SLC5A9: variants seen among roughly 807,000 people sequenced by gnomAD.
SLC5A9 encodes the protein sodium/glucose cotransporter 4.
Under a neutral mutation model 70.9 loss-of-function variants are expected in SLC5A9, and 59 were observed. The ratio of observed to expected loss-of-function variants is 0.83; its 90% CI spans 0.68 to 1.03. The LOEUF is 1.03. Among genes scored for constraint, SLC5A9 ranks in the 50% least tolerant of loss-of-function variants. The pLI is 0.00. For missense variants in SLC5A9, 832 were observed against 881.1 expected (o/e 0.94, Z 0.71); for synonymous variants, 340 against 346.5 (o/e 0.98, Z 0.21).
rs1376549256 is a variant in SLC5A9, at chr1:48,231,639, C to T, written c.691+14C>T. ...TCATGTTTCTGGGTAAGGAAGAGAC[C>T]TAAATATACCCCACTGTCATTCTTA... On this transcript the variant is annotated intron_variant, in intron 6 of 13. Transcript: ENST00000438567. The T allele has an allele frequency of 1.2e-6, 2 of 1,613,702 alleles. No homozygotes were observed. Among genetic ancestry groups the T allele is most frequent in the African/African-American group, 1.3e-5 (1 of 74,890 alleles).
At chr1:48,223,708 C>A (rs569014316) in intron 1 of SLC5A9, among the ~76,000 whole-genome samples, 2 of 152,246 alleles carry the variant, frequency 1.3e-5, no homozygotes, top group Admixed American at 1.3e-4. Context: ...AGGTCAGAGA[C>A]CCTCTCTGAG....
At chr1:48,241,066 C>A (rs879912753) in intron 12 of SLC5A9, 5 of 152,120 alleles carry the variant, frequency 3.3e-5, no homozygotes, top group African/African-American at 9.7e-5. Context: ...TTTTGCCTAC[C>A]CTTCCAATCA....
At chr1:48,247,241 TCTCC>T in intron 13 of SLC5A9, 90 bp from the exon 14 acceptor site, 2 of 1,165,656 alleles carry the variant, frequency 1.7e-6, no homozygotes, top group Non-Finnish European at 2.5e-6. Context: ...TCACCATCTC[TCTCC>T]CTCCCCTACT....
Position 48,232,478 on chromosome 1 carries a change from A to G in SLC5A9, c.1009A>G (p.Met337Val), listed in dbSNP as rs144494090. The change falls in exon 8 of 14, where the codon ATG (methionine) becomes GTG (valine). Residue 337 changes from methionine (M) to valine (V), a missense_variant. Coordinates refer to ENST00000438567, the MANE Select transcript of SLC5A9 (RefSeq NM_001011547.3). Reference sequence around the variant, plus strand: ...CATGTTCTTCATCGTCATGCCTGGCATGATCAGCCGGGCCCTGTTCCCAGG... The same window carrying G: ...CATGTTCTTCATCGTCATGCCTGGCGTGATCAGCCGGGCCCTGTTCCCAGG... ...LPMFFIVMPG[M>V]ISRALFPDEV... is the part of the protein sequence containing the mutation. 1,183 of 1,614,200 alleles carry G rather than the reference A, an allele frequency of 7.3e-4. No homozygotes were observed. Among genetic ancestry groups the G allele is most frequent in the Non-Finnish European group, 7.6e-4 (901 of 1,180,028 alleles).
Position 48,247,871 on chromosome 1 carries a change from G to A in SLC5A9, c.*328G>A, listed in dbSNP as rs373100935. Reference sequence around the variant, plus strand: ...GTATTCAGTAGCCTTTACTGAATGTGTGTCTTGAGAGTAGAAAAATGGAGG... The same window carrying A: ...GTATTCAGTAGCCTTTACTGAATGTATGTCTTGAGAGTAGAAAAATGGAGG... On this transcript the variant is annotated 3_prime_UTR_variant, in exon 14 of 14. Transcript: ENST00000438567. The A allele has an allele frequency of 8.7e-4, 259 of 296,076 alleles. 1 individual carries two copies. Among genetic ancestry groups the A allele is most frequent in the African/African-American group, 5.2e-3 (245 of 47,400 alleles). 18.3% of individuals were successfully genotyped at this position (296,076 alleles called of 1,614,324 possible). A position where few individuals can be genotyped will look rare whatever the true frequency, so the allele number is the denominator to read the frequency against.
chr1:48,242,674 T>G, intron 13 of SLC5A9, 58 bp downstream of exon 13: 1 of 1,473,672 alleles, frequency 6.8e-7, no homozygotes. Flanking sequence ...GACAGACCTA[T>G]GTCATGGGCG....
Position 48,239,465 on chromosome 1 carries a change from C to G in SLC5A9, c.1605C>G (p.Ile535Met), listed in dbSNP as rs1192959618. Reference protein sequence around the residue: ...LKDFHYLYFAILLCGLTAIVI... With the variant: ...LKDFHYLYFAMLLCGLTAIVI... ...ACTTCCACTACCTGTACTTTGCAATCCTCCTCTGCGGGCTCACTGCCATCG... is the reference window on the plus strand; with the variant it reads ...ACTTCCACTACCTGTACTTTGCAATGCTCCTCTGCGGGCTCACTGCCATCG... Residue 535 changes from isoleucine (I) to methionine (M), a missense_variant, in exon 12 of 14, where the codon ATC becomes ATG. Coordinates refer to ENST00000438567, the MANE Select transcript of SLC5A9 (RefSeq NM_001011547.3). The surrounding 1 kb of genome is among the most constrained non-coding windows in gnomAD (Gnocchi z 4.2). 1 of 1,614,204 alleles carries G rather than the reference C, an allele frequency of 6.2e-7. No individual in the cohort carries two copies. The highest frequency in any genetic ancestry group is 2.2e-5 in the East Asian group (1 of 44,876).
In SLC5A9 at chr1:48,237,730, C is replaced by A. The variant is rs1429447877; in HGVS notation, c.1344C>A (p.Ile448=). 2 of 1,614,102 alleles carry A rather than the reference C, an allele frequency of 1.2e-6. No individual in the cohort carries two copies. The highest frequency in any genetic ancestry group is 1.7e-6 in the Non-Finnish European group (2 of 1,180,028). The change falls in exon 11 of 14, where the codon ATC becomes ATA. Residue 448 remains isoleucine (I), a synonymous_variant. Coordinates refer to ENST00000438567, the MANE Select transcript of SLC5A9 (RefSeq NM_001011547.3). ...VVISILWIPI[I]QSSNSGQLFD... ...TCAGCATCCTCTGGATCCCCATCAT[C>A]CAAAGCTCCAACAGTGGGCAGCTCT... is the stretch of plus-strand genomic sequence containing the variant.
At chr1:48,237,187 A>G (rs576819329) in intron 10 of SLC5A9, among the ~76,000 whole-genome samples, 23 of 152,114 alleles carry the variant, frequency 1.5e-4, no homozygotes, top group Admixed American at 1.5e-3. Flanking sequence ...AGTCAGGTGA[A>G]TAAGTGGGAT....
chr1:48,240,575 A>G (rs1286325828), intron 12 of SLC5A9: 1 of 152,208 alleles, frequency 6.6e-6, no homozygotes, highest in Non-Finnish European at 1.5e-5. Flanking sequence ...GATTCCTACA[A>G]AAAAGCAGGG....
chr1:48,229,620 T>A (rs1644219568), intron 4 of SLC5A9, 161 bp downstream of exon 4: 10 of 1,130,392 alleles, frequency 8.8e-6, no homozygotes, highest in Non-Finnish European at 3.7e-6. Context: ...GCCTCAGCAC[T>A]GGGGTACTCA....
In SLC5A9 at chr1:48,247,317, C is replaced by T; in HGVS notation, c.1838-18C>T. On this transcript the variant is annotated intron_variant, in intron 13 of 13. Transcript: ENST00000438567. Reference sequence around the variant, plus strand: ...CTCCCCTCCTGCTCTCCTTTGTCTTCTGGCTTTGTCCCTCCAGCCCCAAGC... The same window carrying T: ...CTCCCCTCCTGCTCTCCTTTGTCTTTTGGCTTTGTCCCTCCAGCCCCAAGC... The T allele has an allele frequency of 6.2e-7, 1 of 1,611,882 alleles. No individual in the cohort carries two copies.
At chr1:48,234,370 G>A (rs1021065921) in intron 9 of SLC5A9, among the ~76,000 whole-genome samples, 7 of 152,154 alleles carry the variant, frequency 4.6e-5, no homozygotes, top group Non-Finnish European at 1.0e-4. Flanking sequence ...GGGACACTGC[G>A]GGGTTTTGGT....
intron 12 of SLC5A9, among the ~76,000 whole-genome samples, chr1:48,241,772 A>G (rs1260917953): frequency 6.6e-6 from 1 of 151,394 alleles, no homozygotes; most frequent in Non-Finnish European, 1.5e-5. Context: ...TTTCACCAGC[A>G]CTAATACCCA....
chr1:48,246,291 T>C (rs568087155), intron 13 of SLC5A9, among the ~76,000 whole-genome samples: 1 of 152,300 alleles, frequency 6.6e-6, no homozygotes, highest in South Asian at 2.1e-4. Context: ...TATGTGACCT[T>C]AAATAAGTCT....
At chr1:48,224,680 C>A in intron 1 of SLC5A9, 44 bp from the exon 2 acceptor site, 1 of 1,595,646 alleles carries the variant, frequency 6.3e-7, no homozygotes. Context: ...GGCAGAGGTT[C>A]AGAGAGTCTT....
At chr1:48,229,178 G>C in intron 3 of SLC5A9, 117 bp from the exon 4 acceptor site, 3 of 1,614,074 alleles carry the variant, frequency 1.9e-6, no homozygotes, top group Non-Finnish European at 2.5e-6. Context: ...CAGGTCCCAG[G>C]TCTCTTATTT....
rs530848086 is a variant in SLC5A9, at chr1:48,232,279, C to T, written c.898-88C>T. The T allele has an allele frequency of 1.1e-4, 172 of 1,567,468 alleles. 4 individuals carry two copies. In the South Asian group the frequency reaches 2.0e-3, roughly 18 times the overall value. On this transcript the variant is annotated intron_variant, in intron 7 of 13. Coordinates refer to ENST00000438567, the MANE Select transcript of SLC5A9 (RefSeq NM_001011547.3). ...GATTGTGACTGGACTGGAGTAGGGA[C>T]ACAGTCATGCCCAGTGTCAGGGCTC...
intron 9 of SLC5A9, among the ~76,000 whole-genome samples, chr1:48,234,014 C>T (rs1431862824): frequency 6.6e-6 from 1 of 152,174 alleles, no homozygotes; most frequent in East Asian, 1.9e-4. Context: ...CTCCAGGGTA[C>T]CTGGACTTGC....
Sources: allele counts gnomAD v4.1 joint callset (sites outside exome capture counted in the v4.1 genomes callset), GRCh38; gene constraint gnomAD v4.1.1; non-coding constraint Gnocchi (gnomAD v3.1); transcripts MANE v1.5; gene names NCBI Gene and HGNC (gene_info 2026-07-23, HGNC 2026-07-21).